RHBDD3: variants seen among roughly 807,000 people sequenced by gnomAD.
RHBDD3 encodes rhomboid domain containing 3.
In RHBDD3, 34 loss-of-function variants were observed where a neutral mutation model predicts 32.3. The observed-to-expected ratio is 1.05, with a 90% CI of 0.80 to 1.40. RHBDD3 has a LOEUF of 1.40. Among genes scored for constraint, RHBDD3 ranks in the 40% most tolerant of loss-of-function variants. The pLI, the probability that RHBDD3 is intolerant of heterozygous loss-of-function variation, is 0.00. For synonymous variants in RHBDD3, 249 were observed against 239.1 expected (o/e 1.04, Z -0.38); for missense variants, 482 against 492.6 (o/e 0.98, Z 0.20).
At position 29,265,516 on chromosome 22, in the gene RHBDD3, C is replaced by T. The variant is rs1265504578; in HGVS notation, c.111G>A (p.Leu37=). The stretch of plus-strand genomic sequence containing the variant: ...CCAGCAACAGCTCCGGGGCCAGGAC[C>T]AGGCCGGGGCCGGCCCCCACCAGCC... The part of the protein sequence containing the change: ...TLWLVGAGPG[L]VLAPELLLDP... Residue 37 remains leucine, a synonymous_variant, in exon 3 of 7, where the codon CTG becomes CTA. Transcript: ENST00000216085. The T allele has an allele frequency of 1.0e-5, 16 of 1,562,094 alleles. No homozygotes were observed. Among genetic ancestry groups the T allele is most frequent in the Non-Finnish European group, 1.4e-5 (16 of 1,161,056 alleles).
rs2058263469 is a variant in RHBDD3 at position 29,267,936 on chromosome 22, T to C, written c.-383A>G. 1 of 299,242 alleles carries C rather than the reference T, an allele frequency of 3.3e-6. No individual in the cohort carries two copies. Among genetic ancestry groups the C allele is most frequent in the South Asian group, 5.8e-5 (1 of 17,096 alleles). 18.5% of individuals were successfully genotyped at this position (299,242 alleles called of 1,614,324 possible). ...GCGGATTAGTCAGCAGTTGTTCTAGTCCGGGTCCCTTCCCCCAGCCCTCCC... is the reference window on the plus strand; with the variant it reads ...GCGGATTAGTCAGCAGTTGTTCTAGCCCGGGTCCCTTCCCCCAGCCCTCCC... On this transcript the variant is annotated 5_prime_UTR_variant, in exon 1 of 7. Transcript: ENST00000216085.
chr22:29,263,841 G>A lies in RHBDD3; in HGVS notation c.526C>T (p.Leu176=), dbSNP rs201266099. The part of the protein sequence containing the change: ...LQLLCGLLAG[L]AYAAGAFRWL... ...GGGCTCAGGCAAAGGATACAGGCCA[G>A]GCCGGCAAGGAGGCCGCAAAGGAGC... is the stretch of plus-strand genomic sequence containing the variant. The change falls in exon 4 of 7, where the codon CTG becomes TTG. Residue 176 remains leucine (L), a synonymous_variant. Coordinates refer to ENST00000216085, the MANE Select transcript of RHBDD3 (RefSeq NM_012265.3). The A allele has an allele frequency of 2.2e-4, 330 of 1,532,422 alleles. No individual in the cohort carries two copies. The African/African-American group carries it at 3.6e-3, about 17-fold the overall frequency. The allele number at this position is 1,532,422 out of a possible 1,614,324, so 94.9% of individuals were successfully genotyped here. A position where few individuals can be genotyped will look rare whatever the true frequency, so the allele number is the denominator to read the frequency against.
chr22:29,264,172 G>T lies in RHBDD3; in HGVS notation c.195C>A (p.Gly65=), dbSNP rs532026962. 3.2e-6 allele frequency: 5 copies of T among 1,575,870 alleles called. No individual in the cohort carries two copies. The highest frequency in any genetic ancestry group is 2.3e-5 in the East Asian group (1 of 44,166). ...GCAGGAGCAGCAGGCTCAGGAGCAGGCCTGGCAGGGCCGTGTGGCCCAGGG... is the reference window on the plus strand; with the variant it reads ...GCAGGAGCAGCAGGCTCAGGAGCAGTCCTGGCAGGGCCGTGTGGCCCAGGG... ...THALGHTALP[G]LLLSLLLLPT... The change falls in exon 4 of 7, where the codon GGC becomes GGA. Residue 65 remains glycine, a synonymous_variant. Transcript: ENST00000216085.
At chr22:29,263,277 T>A (rs2058140188) in intron 4 of RHBDD3, among the ~76,000 whole-genome samples, 1 of 152,230 alleles carries the variant, frequency 6.6e-6, no homozygotes. Flanking sequence ...ACTCCTGACC[T>A]CGTGATCCGC....
In RHBDD3 at chr22:29,260,106, T is replaced by C. The variant is rs750288267; in HGVS notation, c.1115A>G (p.His372Arg). The C allele has an allele frequency of 6.3e-7, 1 of 1,582,596 alleles. No homozygotes were observed. The highest frequency in any genetic ancestry group is 1.8e-5 in the Admixed American group (1 of 54,982). The change falls in exon 7 of 7, where the codon CAT becomes CGT. Residue 372 changes from histidine to arginine, a missense_variant. Coordinates refer to ENST00000216085, the MANE Select transcript of RHBDD3 (RefSeq NM_012265.3). ...GGAGTGGGCAGGCCCACCCTTTCCA[T>C]GGGTCACCAGGGTCTCAGTGCCCAC... is the stretch of plus-strand genomic sequence containing the variant. ...GQVGTETLVT[H>R]GKGGPAHSEG...
rs371054676 is a variant in RHBDD3, at chr22:29,264,086, G to C, written c.281C>G (p.Ala94Gly). Reference sequence around the variant, plus strand: ...CAGCCCAGAAGCCAGGGCGAGCAGGGCTGAGGCATGCAGGAATCTCAGCGT... The same window carrying C: ...CAGCCCAGAAGCCAGGGCGAGCAGGCCTGAGGCATGCAGGAATCTCAGCGT... ...LGTLRFLHAS[A>G]LLALASGLLA... is the part of the protein sequence containing the mutation. Residue 94 changes from alanine (A) to glycine (G), a missense_variant, in exon 4 of 7, where the codon GCC becomes GGC. Coordinates refer to ENST00000216085, the MANE Select transcript of RHBDD3 (RefSeq NM_012265.3). 5 of 1,584,718 alleles carry C rather than the reference G, an allele frequency of 3.2e-6. No individual in the cohort carries two copies. In the African/African-American group the frequency reaches 6.7e-5, roughly 21 times the overall value.
At position 29,260,503 on chromosome 22, in the gene RHBDD3, C is replaced by A. The variant is rs774114443; in HGVS notation, c.806G>T (p.Gly269Val). Residue 269 changes from glycine (G) to valine (V), a missense_variant, in exon 6 of 7, where the codon GGC becomes GTC. Physicochemically the swap from Gly to Val is moderately radical, Grantham distance 109. Coordinates refer to ENST00000216085, the MANE Select transcript of RHBDD3 (RefSeq NM_012265.3). ...SLRPVQPTWE[G>V]SSEAGLDWAG... is the part of the protein sequence containing the mutation. ...CCAGTCCAGGCCTGCCTCTGAGGAG[C>A]CCTCCCAGGTGGGCTGCACAGGCCT... 2 of 1,600,308 alleles carry A rather than the reference C, an allele frequency of 1.2e-6. No individual in the cohort carries two copies. The highest frequency in any genetic ancestry group is 1.7e-4 in the Middle Eastern group (1 of 5,876).
rs765758644 is a variant in RHBDD3, at chr22:29,260,440, G to A, written c.869C>T (p.Ala290Val). The A allele has an allele frequency of 3.5e-5, 57 of 1,611,332 alleles. No individual in the cohort carries two copies. Among genetic ancestry groups the A allele is most frequent in the South Asian group, 3.5e-4 (32 of 90,640 alleles). ...ASFSPGTPMW[A>V]ALDEQMLQEG... ...CTGCAGCATCTGCTCATCCAAGGCC[G>A]CCCACATCGGAGTCCCTGGGGAGAA... The change falls in exon 6 of 7, where the codon GCG (alanine) becomes GTG (valine). Residue 290 changes from alanine to valine, a missense_variant. Coordinates refer to ENST00000216085, the MANE Select transcript of RHBDD3 (RefSeq NM_012265.3).
chr22:29,262,751 G>C (rs907155829), intron 4 of RHBDD3, among the ~76,000 whole-genome samples: 5 of 152,168 alleles, frequency 3.3e-5, no homozygotes, highest in Non-Finnish European at 7.3e-5. Context: ...CTCTCGCCCA[G>C]GCTGGAGTGC....
Position 29,263,894 on chromosome 22 carries a change from A to G in RHBDD3, c.473T>C (p.Leu158Pro), listed in dbSNP as rs774513553. The stretch of plus-strand genomic sequence containing the variant: ...CAGGAAGGGTGGCTCAGAGCTGAGC[A>G]GTGGGGTCAGGGCAAGCAGCAGCCA... The part of the protein sequence containing the change: ...SPWLLLALTP[L>P]LSSEPPFLQL... The change falls in exon 4 of 7, where the codon CTG becomes CCG. Residue 158 changes from leucine (L) to proline (P), a missense_variant. Transcript: ENST00000216085. The G allele has an allele frequency of 8.9e-5, 138 of 1,549,026 alleles. No individual in the cohort carries two copies. The highest frequency in any genetic ancestry group is 2.0e-5 in the Admixed American group (1 of 50,958).
At chr22:29,262,390 C>T (rs112850193) in intron 4 of RHBDD3, among the ~76,000 whole-genome samples, 34 of 152,290 alleles carry the variant, frequency 2.2e-4, no homozygotes, top group East Asian at 3.9e-4. Flanking sequence ...CTGTCTGCCT[C>T]GGCCTCTCAA....
rs73401085 is a variant in RHBDD3, at chr22:29,261,165, A to G, written c.533-301T>C. ...CACCTTTTCAGGTCTGTAACTCAAGACCCACCCGTCCTGGAAGAAGTCCCA... is the reference window on the plus strand; with the variant it reads ...CACCTTTTCAGGTCTGTAACTCAAGGCCCACCCGTCCTGGAAGAAGTCCCA... On this transcript the variant is annotated intron_variant, in intron 4 of 6. Transcript: ENST00000216085. The G allele has an allele frequency of 2.1e-3, 1,188 of 570,510 alleles. 9 individuals are homozygous for G. Among genetic ancestry groups the G allele is most frequent in the African/African-American group, 0.019 (1,057 of 54,240 alleles). 35.3% of individuals were successfully genotyped at this position (570,510 alleles called of 1,614,324 possible). A position where few individuals can be genotyped will look rare whatever the true frequency, so the allele number is the denominator to read the frequency against.
At position 29,264,223 on chromosome 22, in the gene RHBDD3, G is replaced by A. The variant is rs758249087; in HGVS notation, c.149-5C>T. 17 of 1,523,462 alleles carry A rather than the reference G, an allele frequency of 1.1e-5. No homozygotes were observed. The highest frequency in any genetic ancestry group is 1.5e-5 in the Non-Finnish European group (17 of 1,136,942). The allele number at this position is 1,523,462 out of a possible 1,614,324, so 94.4% of individuals were successfully genotyped here. ...CATGGGTCAGCAGCCGGTGCACTGG[G>A]AGAGAGAAGGGGCTTATGTGCCAGG... On this transcript the variant is annotated splice_region_variant and splice_polypyrimidine_tract_variant and intron_variant, in intron 3 of 6. Coordinates refer to ENST00000216085, the MANE Select transcript of RHBDD3 (RefSeq NM_012265.3).
chr22:29,262,759 T>TTCA (rs757523919), intron 4 of RHBDD3, among the ~76,000 whole-genome samples: 13 of 152,220 alleles, frequency 8.5e-5, no homozygotes, highest in Non-Finnish European at 1.3e-4. Flanking sequence ...CAGGCTGGAG[T>TTCA]GCAGCAGCGC....
chr22:29,263,217 G>T (rs1444130701), intron 4 of RHBDD3, among the ~76,000 whole-genome samples: 1 of 152,228 alleles, frequency 6.6e-6, no homozygotes, highest in Non-Finnish European at 1.5e-5. Context: ...GCTAATTTTT[G>T]TATTTTTAGT....
rs2058107149 is a variant in RHBDD3 at position 29,260,814 on chromosome 22, C to A, written c.583G>T (p.Val195Leu). Residue 195 changes from valine (V) to leucine (L), a missense_variant, in exon 5 of 7, where the codon GTG becomes TTG. By Grantham distance (32) the Val-to-Leu change is conservative. Coordinates refer to ENST00000216085, the MANE Select transcript of RHBDD3 (RefSeq NM_012265.3). Reference sequence around the variant, plus strand: ...CTGCACAAGACGCCCTCCTGCAGCACCTGCAGCCGTCGCTCTGAGGGTTCC... The same window carrying A: ...CTGCACAAGACGCCCTCCTGCAGCAACTGCAGCCGTCGCTCTGAGGGTTCC... ...WLEPSERRLQ[V>L]LQEGVLCRTL... is the part of the protein sequence containing the mutation. The A allele has an allele frequency of 1.9e-6, 3 of 1,607,174 alleles. No individual in the cohort carries two copies. The highest frequency in any genetic ancestry group is 2.5e-6 in the Non-Finnish European group (3 of 1,177,858).
At chr22:29,263,327 G>A (rs1037014766) in intron 4 of RHBDD3, among the ~76,000 whole-genome samples, 17 of 152,158 alleles carry the variant, frequency 1.1e-4, no homozygotes, top group African/African-American at 2.4e-5. Flanking sequence ...ACAGGCATGA[G>A]CCATCGCGCC....
chr22:29,267,959 C>A lies in RHBDD3; in HGVS notation c.-406G>T, dbSNP rs1041025853. The A allele has an allele frequency of 4.6e-5, 15 of 329,452 alleles. No homozygotes were observed. The highest frequency in any genetic ancestry group is 7.5e-5 in the Non-Finnish European group (13 of 173,756). The allele number at this position is 329,452 out of a possible 1,614,324, so 20.4% of individuals were successfully genotyped here. A position where few individuals can be genotyped will look rare whatever the true frequency, so the allele number is the denominator to read the frequency against. Reference sequence around the variant, plus strand: ...AGTCCGGGTCCCTTCCCCCAGCCCTCCCGCCGATCTCCGTCTCCCTGCAGG... The same window carrying A: ...AGTCCGGGTCCCTTCCCCCAGCCCTACCGCCGATCTCCGTCTCCCTGCAGG... On this transcript the variant is annotated 5_prime_UTR_variant, in exon 1 of 7. Transcript: ENST00000216085.
chr22:29,266,499 C>T (rs982162899), intron 2 of RHBDD3, among the ~76,000 whole-genome samples: 19 of 152,358 alleles, frequency 1.2e-4, no homozygotes, highest in African/African-American at 4.1e-4. Context: ...CATAGCAATC[C>T]GCACTAATCA....
Sources: allele counts gnomAD v4.1 joint callset (sites outside exome capture counted in the v4.1 genomes callset), GRCh38; gene constraint gnomAD v4.1.1; transcripts MANE v1.5; gene names NCBI Gene and HGNC (gene_info 2026-07-23, HGNC 2026-07-21).